RASGRF2: variants seen among roughly 807,000 people sequenced by gnomAD.
RASGRF2 encodes the protein ras-specific guanine nucleotide-releasing factor 2.
A neutral mutation model predicts 151.0 loss-of-function variants in RASGRF2; 76 were observed. The ratio of observed to expected loss-of-function variants is 0.50; its 90% CI spans 0.42 to 0.61. The LOEUF (loss-of-function observed/expected upper bound fraction) is 0.61. Ranked by LOEUF, RASGRF2 falls within the 20% of genes least tolerant of loss-of-function variation. The pLI, the probability that RASGRF2 is intolerant of heterozygous loss-of-function variation, is 0.00. For synonymous variants in RASGRF2, 504 were observed against 566.5 expected (o/e 0.89, Z 1.57); for missense variants, 1,148 against 1,564.6 (o/e 0.73, Z 4.49).
At chr5:81,220,699 A>T (rs1348156617) in intron 26 of RASGRF2, among the ~76,000 whole-genome samples, 1 of 152,052 alleles carries the variant, frequency 6.6e-6, no homozygotes, top group Non-Finnish European at 1.5e-5. Context: ...TGAACTCCTG[A>T]CCTCATGATC....
intron 1 of RASGRF2, among the ~76,000 whole-genome samples, chr5:81,039,843 T>C (rs1042358904): frequency 1.3e-5 from 2 of 152,254 alleles, no homozygotes; most frequent in Non-Finnish European, 1.5e-5. Context: ...AGTTTTGTTA[T>C]GCAGAAGTGT....
At chr5:81,194,410 T>G (rs545910428) in intron 18 of RASGRF2, among the ~76,000 whole-genome samples, 1 of 151,752 alleles carries the variant, frequency 6.6e-6, no homozygotes, top group Non-Finnish European at 1.5e-5. Flanking sequence ...TTACAATTAC[T>G]TTAGGATTTT....
chr5:81,059,322 T>C (rs11750527), intron 2 of RASGRF2, among the ~76,000 whole-genome samples: 27,027 of 147,016 alleles, frequency 0.18, 2,627 homozygotes, highest in Admixed American at 0.28. Flanking sequence ...AGGCGGAGGT[T>C]GCAGTGAGTT....
intron 1 of RASGRF2, among the ~76,000 whole-genome samples, chr5:80,996,206 C>T (rs1253694754): frequency 6.6e-6 from 1 of 152,122 alleles, no homozygotes; most frequent in Non-Finnish European, 1.5e-5. Context: ...AAAGTAATTA[C>T]AATTTTTGCA....
At chr5:80,978,286 G>A (rs759368342) in intron 1 of RASGRF2, among the ~76,000 whole-genome samples, 3 of 152,060 alleles carry the variant, frequency 2.0e-5, no homozygotes, top group African/African-American at 7.2e-5. Context: ...ATAAAGTACC[G>A]TGTTAATAGA....
rs1280072731 is a variant in RASGRF2, at chr5:81,206,696, T to C, written c.2907-149T>C. ...ATGTTTTCTGTTTGGGGATTGCTCA[T>C]CTCCAGCTCAGCAGTTGGTTGTGCT... is the stretch of plus-strand genomic sequence containing the variant. On this transcript the variant is annotated intron_variant, in intron 19 of 26. Transcript: ENST00000265080. 8 of 662,334 alleles carry C rather than the reference T, an allele frequency of 1.2e-5. No homozygotes were observed. In the South Asian group the frequency reaches 1.3e-4, roughly 11 times the overall value. 41.0% of individuals were successfully genotyped at this position (662,334 alleles called of 1,614,324 possible).
intron 12 of RASGRF2, among the ~76,000 whole-genome samples, chr5:81,107,813 AC>A (rs1228472174): frequency 6.6e-6 from 1 of 152,266 alleles, no homozygotes; most frequent in African/African-American, 2.4e-5. Context: ...ACTCCAAATT[AC>A]TTCCAGATGC....
At chr5:81,222,242 TAA>T (rs1353695212) in intron 26 of RASGRF2, among the ~76,000 whole-genome samples, 1 of 152,206 alleles carries the variant, frequency 6.6e-6, no homozygotes, top group African/African-American at 2.4e-5. Flanking sequence ...TGTATTAAGC[TAA>T]ATATACTGAT....
rs554400654 is a variant in RASGRF2 at position 81,008,281 on chromosome 5, G to A, written c.289-34596G>A. Among the ~76,000 whole-genome samples the A allele has an allele frequency of 2.0e-5, 3 of 151,132 alleles. No homozygotes were observed. The South Asian group carries it at 6.3e-4, about 32-fold the overall frequency. On this transcript the variant is annotated intron_variant, in intron 1 of 26. Coordinates refer to ENST00000265080, the MANE Select transcript of RASGRF2 (RefSeq NM_006909.3). ...TTCTCCTGCCTCAGCCTCCCCAGTA[G>A]CTGGGATTACAGGCATGTGTCACCA... is the stretch of plus-strand genomic sequence containing the variant.
chr5:81,219,008 A>C (rs1755802820), intron 25 of RASGRF2, among the ~76,000 whole-genome samples: 1 of 152,114 alleles, frequency 6.6e-6, no homozygotes. Flanking sequence ...GGGGAATCCA[A>C]GGATGGCTTC....
chr5:81,032,465 A>G lies in RASGRF2; in HGVS notation c.289-10412A>G, dbSNP rs548726396. On this transcript the variant is annotated intron_variant, in intron 1 of 26. Transcript: ENST00000265080. ...TATCCACCACAATCAAGTTGGCTTC[A>G]TCCCTGGGATGCAAGGCTGGTTCAA... Among the ~76,000 whole-genome samples the G allele has an allele frequency of 2.4e-3, 360 of 152,350 alleles. 1 individual carries two copies. Among genetic ancestry groups the G allele is most frequent in the Non-Finnish European group, 3.9e-3 (265 of 68,030 alleles).
At chr5:81,028,580 C>T (rs1750121284) in intron 1 of RASGRF2, among the ~76,000 whole-genome samples, 1 of 151,882 alleles carries the variant, frequency 6.6e-6, no homozygotes, top group Non-Finnish European at 1.5e-5. Context: ...AATTATAAAA[C>T]AAAAACAGGT....
chr5:81,112,330 G>C (rs756068713), intron 13 of RASGRF2, among the ~76,000 whole-genome samples: 8 of 152,152 alleles, frequency 5.3e-5, no homozygotes, highest in Non-Finnish European at 8.8e-5. Context: ...TTGTAATCTA[G>C]AGATGATTTA....
Position 81,063,315 on chromosome 5 carries a change from C to T in RASGRF2, c.396-4717C>T, listed in dbSNP as rs147597478. Among the ~76,000 whole-genome samples, 643 of 152,110 alleles carry T rather than the reference C, an allele frequency of 4.2e-3. 7 individuals are homozygous for T. Among genetic ancestry groups the T allele is most frequent in the African/African-American group, 0.015 (611 of 41,500 alleles). On this transcript the variant is annotated intron_variant, in intron 2 of 26. Coordinates refer to ENST00000265080, the MANE Select transcript of RASGRF2 (RefSeq NM_006909.3). ...AGGCTGGAGTGCAGTGGCGTGATCTCGGCTCACTGCAACCTCTGCCTCCCG... is the reference window on the plus strand; with the variant it reads ...AGGCTGGAGTGCAGTGGCGTGATCTTGGCTCACTGCAACCTCTGCCTCCCG...
Position 81,212,483 on chromosome 5 carries a change from G to A in RASGRF2, c.3274G>A (p.Gly1092Ser), listed in dbSNP as rs1755648949. 1 of 1,613,742 alleles carries A rather than the reference G, an allele frequency of 6.2e-7. No homozygotes were observed. Among genetic ancestry groups the A allele is most frequent in the South Asian group, 1.1e-5 (1 of 90,974 alleles). ...DICRCLHNYN[G>S]VLEITSALNR... ...CTGCCGATGCCTGCACAACTACAAC[G>A]GCGTGCTGGAGATCACCTCGGCCTT... Residue 1092 changes from glycine to serine, a missense_variant, in exon 23 of 27, where the codon GGC becomes AGC. Gly to Ser is a moderately conservative substitution (Grantham distance 56). Around this residue, in one of 5 missense-constraint regions of RASGRF2, gnomAD observed 5 missense variants for 28.1 expected, o/e 0.18. Transcript: ENST00000265080.
intron 5 of RASGRF2, 100 bp downstream of exon 5, chr5:81,073,552 CT>C: frequency 7.9e-7 from 1 of 1,272,212 alleles, no homozygotes; most frequent in Non-Finnish European, 1.1e-6. Flanking sequence ...AAATTCATCT[CT>C]ATTAGTTTAT....
chr5:81,000,195 C>T (rs886641025), intron 1 of RASGRF2, among the ~76,000 whole-genome samples: 3 of 152,298 alleles, frequency 2.0e-5, no homozygotes, highest in African/African-American at 7.2e-5. Context: ...GCCCACCTGC[C>T]CTGCAGATGC....
intron 22 of RASGRF2, 96 bp downstream of exon 22, chr5:81,208,534 CTTTTTTTTTTTTTTTTTTTTTTT>C (rs71000806): frequency 1.7e-4 from 43 of 251,618 alleles, no homozygotes; most frequent in Middle Eastern, 7.0e-4. Flanking sequence ...CTGTCACCCA[CTTTTTTTTTTTTTTTTTTTTTTT>C]TTTTTTTTTT....
chr5:81,213,084 G>T (rs1382914707), intron 23 of RASGRF2, among the ~76,000 whole-genome samples: 1 of 152,188 alleles, frequency 6.6e-6, no homozygotes, highest in Admixed American at 6.5e-5. Flanking sequence ...ATAATTTCAA[G>T]ATTCAAACTA....
Sources: allele counts gnomAD v4.1 joint callset (sites outside exome capture counted in the v4.1 genomes callset), GRCh38; gene constraint gnomAD v4.1.1; regional missense constraint gnomAD v4.1.1; transcripts MANE v1.5; gene names NCBI Gene and HGNC (gene_info 2026-07-23, HGNC 2026-07-21).